Variants in NEK11 observed in about 807,000 individuals in gnomAD.
NEK11 encodes NIMA related kinase 11, also known as serine/threonine-protein kinase Nek11.
Under a neutral mutation model 80.7 loss-of-function variants are expected in NEK11, and 72 were observed. The ratio of observed to expected loss-of-function variants is 0.89; its 90% CI spans 0.74 to 1.08. NEK11 has a LOEUF of 1.08. Among genes scored for constraint, NEK11 ranks in the 50% least tolerant of loss-of-function variants. The probability of loss-of-function intolerance (pLI) is 0.00; values close to 1 mark genes in which losing one functional copy is unlikely to be tolerated. For synonymous variants in NEK11, 251 were observed against 260.7 expected (o/e 0.96, Z 0.36); for missense variants, 764 against 763.6 (o/e 1.00, Z -0.01).
At chr3:131,335,937 AACT>A (rs1435247214) in intron 17 of NEK11, among the ~76,000 whole-genome samples, 1 of 152,122 alleles carries the variant, frequency 6.6e-6, no homozygotes, top group African/African-American at 2.4e-5. Context: ...CTTCAAGGAG[AACT>A]ACAAACCACT....
rs142433747 is a variant in NEK11 at position 131,160,885 on chromosome 3, A to G, written c.963-1523A>G. On this transcript the variant is annotated intron_variant, in intron 10 of 17. Coordinates refer to ENST00000383366, the MANE Select transcript of NEK11 (RefSeq NM_024800.5). ...ACAAGAAGATCTAACTATCCGAAAT[A>G]TACATGCACCCAATACAGGAGCACC... 7.8e-3 allele frequency among the ~76,000 whole-genome samples: 1,195 copies of G among 152,350 alleles called. 14 individuals carry two copies. Among genetic ancestry groups the G allele is most frequent in the Middle Eastern group, 0.024 (7 of 294 alleles).
chr3:131,177,174 T>G (rs2093071014), intron 14 of NEK11, among the ~76,000 whole-genome samples: 1 of 152,178 alleles, frequency 6.6e-6, no homozygotes, highest in African/African-American at 2.4e-5. Context: ...TGGAGAACAT[T>G]GTTATGATGG....
At chr3:131,224,244 T>C (rs539317795) in intron 14 of NEK11, among the ~76,000 whole-genome samples, 29 of 152,282 alleles carry the variant, frequency 1.9e-4, no homozygotes, top group African/African-American at 5.8e-4. Context: ...CTTTTTTTTT[T>C]TGAGGTGTGG....
At chr3:131,303,390 T>C (rs970899859) in intron 17 of NEK11, among the ~76,000 whole-genome samples, 1 of 152,186 alleles carries the variant, frequency 6.6e-6, no homozygotes, top group African/African-American at 2.4e-5. Flanking sequence ...GGGGTTATTA[T>C]ATAGACTTGA....
chr3:131,127,067 G>A (rs1401655698), intron 5 of NEK11, among the ~76,000 whole-genome samples: 3 of 144,530 alleles, frequency 2.1e-5, no homozygotes, highest in African/African-American at 7.9e-5. Flanking sequence ...CCATGTTCAA[G>A]CAATTATCCT....
intron 16 of NEK11, among the ~76,000 whole-genome samples, chr3:131,267,272 T>C (rs773326353): frequency 6.6e-6 from 1 of 152,250 alleles, no homozygotes; most frequent in East Asian, 1.9e-4. Context: ...TGATGCAGTT[T>C]CTTCATAGTT....
At chr3:131,154,959 A>C (rs2090397974) in intron 9 of NEK11, 77 bp from the exon 10 acceptor site, 1 of 879,316 alleles carries the variant, frequency 1.1e-6, no homozygotes, top group Non-Finnish European at 1.8e-6. Context: ...CAAATCTGAA[A>C]AGATTCTTGG....
At chr3:131,033,045 T>C (rs974527338) in intron 3 of NEK11, among the ~76,000 whole-genome samples, 1 of 152,212 alleles carries the variant, frequency 6.6e-6, no homozygotes, top group Admixed American at 6.5e-5. Flanking sequence ...TGTCTTGAGA[T>C]TGTAACAATT....
intron 14 of NEK11, among the ~76,000 whole-genome samples, chr3:131,224,629 GA>G (rs373515810): frequency 6.6e-6 from 1 of 152,144 alleles, no homozygotes; most frequent in African/African-American, 2.4e-5. Flanking sequence ...AGGTATTTCA[GA>G]AGAAGGCACT....
chr3:131,116,513 A>G (rs2081258960), intron 5 of NEK11, among the ~76,000 whole-genome samples: 1 of 152,196 alleles, frequency 6.6e-6, no homozygotes, highest in African/African-American at 2.4e-5. Flanking sequence ...GCTGGGTCAA[A>G]TGGTATTTCT....
intron 11 of NEK11, among the ~76,000 whole-genome samples, chr3:131,164,630 T>C (rs2092023417): frequency 6.6e-6 from 1 of 152,224 alleles, no homozygotes; most frequent in Non-Finnish European, 1.5e-5. Flanking sequence ...TACAAAGAAG[T>C]CACATATCTT....
At chr3:131,133,636 T>TC (rs1560568184) in intron 6 of NEK11, among the ~76,000 whole-genome samples, 194 bp from the exon 7 acceptor site, 1 of 151,658 alleles carries the variant, frequency 6.6e-6, no homozygotes, top group Non-Finnish European at 1.5e-5. Flanking sequence ...AAGTCTTCCT[T>TC]CTATAAAACT....
At chr3:131,049,293 T>A (rs749180099) in intron 3 of NEK11, among the ~76,000 whole-genome samples, 1 of 152,212 alleles carries the variant, frequency 6.6e-6, no homozygotes, top group Non-Finnish European at 1.5e-5. Flanking sequence ...AGACCCAATT[T>A]CAGATACATA....
intron 5 of NEK11, among the ~76,000 whole-genome samples, chr3:131,129,715 G>C (rs2084072146): frequency 6.6e-6 from 1 of 152,136 alleles, no homozygotes; most frequent in African/African-American, 2.4e-5. Flanking sequence ...GTGTTCCATT[G>C]CATTGCCTTT....
At chr3:131,286,913 G>A (rs1282947082) in intron 17 of NEK11, among the ~76,000 whole-genome samples, 1 of 152,188 alleles carries the variant, frequency 6.6e-6, no homozygotes, top group Non-Finnish European at 1.5e-5. Flanking sequence ...GGTGTGAGGG[G>A]CACATGCAGG....
chr3:131,190,867 A>G (rs1424396595), intron 14 of NEK11, among the ~76,000 whole-genome samples: 2 of 152,164 alleles, frequency 1.3e-5, no homozygotes, highest in Non-Finnish European at 2.9e-5. Flanking sequence ...AACAACATAA[A>G]AATAACATGT....
At chr3:131,307,208 A>G (rs2096732209) in intron 17 of NEK11, among the ~76,000 whole-genome samples, 2 of 152,174 alleles carry the variant, frequency 1.3e-5, no homozygotes, top group South Asian at 4.1e-4. Flanking sequence ...AGTTATATCA[A>G]CTTTCAAGAA....
chr3:131,185,984 C>A (rs922063930), intron 14 of NEK11, among the ~76,000 whole-genome samples: 31 of 152,294 alleles, frequency 2.0e-4, no homozygotes, highest in Non-Finnish European at 4.3e-4. Context: ...GGAATAATCA[C>A]ACCCATTTTG....
chr3:131,166,985 C>T (rs569469098), intron 12 of NEK11, among the ~76,000 whole-genome samples: 29 of 152,312 alleles, frequency 1.9e-4, no homozygotes, highest in Non-Finnish European at 4.1e-4. Context: ...TCCCACAAAT[C>T]CTGACAAGGA....
Sources: allele counts gnomAD v4.1 joint callset (sites outside exome capture counted in the v4.1 genomes callset), GRCh38; gene constraint gnomAD v4.1.1; transcripts MANE v1.5; gene names NCBI Gene and HGNC (gene_info 2026-07-23, HGNC 2026-07-21).